Variants in B4GALNT4 observed in about 807,000 individuals in gnomAD.
B4GALNT4 encodes beta-1,4-N-acetyl-galactosaminyltransferase 4, also known as N-acetyl-beta-glucosaminyl-glycoprotein 4-beta-N-acetylgalactosaminyltransferase 1.
Under a neutral mutation model 110.0 loss-of-function variants are expected in B4GALNT4, and 77 were observed. The ratio of observed to expected loss-of-function variants is 0.70; its 90% CI spans 0.58 to 0.85. The LOEUF is 0.85. Ranked by LOEUF, B4GALNT4 falls within the 40% of genes least tolerant of loss-of-function variation. The pLI, the probability that B4GALNT4 is intolerant of heterozygous loss-of-function variation, is 0.00. For synonymous variants in B4GALNT4, 785 were observed against 655.5 expected (o/e 1.20, Z -3.02); for missense variants, 1,575 against 1,506.0 (o/e 1.05, Z -0.76).
Position 373,446 on chromosome 11 carries a change from C to T in B4GALNT4, c.637-3C>T, listed in dbSNP as rs1275619567. The T allele has an allele frequency of 1.9e-6, 3 of 1,597,356 alleles. No individual in the cohort carries two copies. The highest frequency in any genetic ancestry group is 2.6e-6 in the Non-Finnish European group (3 of 1,171,336). ...CCACCACCCCTGCTCTATCACCCCC[C>T]AGACTGGCTCCGAGTGGACAGCGCC... On this transcript the variant is annotated splice_region_variant and splice_polypyrimidine_tract_variant and intron_variant, in intron 6 of 19. Coordinates refer to ENST00000329962, the MANE Select transcript of B4GALNT4 (RefSeq NM_178537.5).
rs763493099 is a variant in B4GALNT4, at chr11:380,433, C to T, written c.2857C>T (p.Arg953Trp). ...GCGCCTGAGCTGCGGGAGCTCGCCC[C>T]GGGACCCCCACGGTGAGGCCCCGAG... is the stretch of plus-strand genomic sequence containing the variant. ...VMRLSCGSSP[R>W]DPHGYWEVNG... Residue 953 changes from arginine to tryptophan, a missense_variant, in exon 18 of 20, where the codon CGG (arginine) becomes TGG (tryptophan). Arg to Trp is a moderately radical substitution (Grantham distance 101). Transcript: ENST00000329962. 1.6e-5 allele frequency: 25 copies of T among 1,602,260 alleles called. 3 individuals are homozygous for T. In the South Asian group the frequency reaches 1.8e-4, roughly 11 times the overall value.
chr11:373,056 T>C lies in B4GALNT4; in HGVS notation c.475T>C (p.Ser159Pro). Residue 159 changes from serine to proline, a missense_variant, in exon 5 of 20, where the codon TCC (serine) becomes CCC (proline). Physicochemically the swap from Ser to Pro is moderately conservative, Grantham distance 74. Coordinates refer to ENST00000329962, the MANE Select transcript of B4GALNT4 (RefSeq NM_178537.5). ...TRTTVKKLAV[S>P]PKWKNYGLRI... The stretch of plus-strand genomic sequence containing the variant: ...CACCACCGTGAAGAAGTTGGCCGTG[T>C]CCCCCAAGTGGAAGAACTATGGACT... 3.1e-6 allele frequency: 5 copies of C among 1,611,992 alleles called. No homozygotes were observed. Among genetic ancestry groups the C allele is most frequent in the Non-Finnish European group, 4.2e-6 (5 of 1,179,756 alleles).
Position 376,935 on chromosome 11 carries a change from G to T in B4GALNT4, c.1812G>T (p.Ala604=). ...QATQGGREGQ[A]RTLGPAAPTV... The stretch of plus-strand genomic sequence containing the variant: ...CCCAAGGGGGCCGGGAGGGCCAGGC[G>T]CGCACGCTGGGACCTGCGGCGCCCA... Residue 604 remains alanine, a synonymous_variant, in exon 14 of 20, where the codon GCG becomes GCT. Coordinates refer to ENST00000329962, the MANE Select transcript of B4GALNT4 (RefSeq NM_178537.5). 1 of 1,426,296 alleles carries T rather than the reference G, an allele frequency of 7.0e-7. No individual in the cohort carries two copies. Among genetic ancestry groups the T allele is most frequent in the Non-Finnish European group, 9.1e-7 (1 of 1,095,024 alleles). 88.4% of individuals were successfully genotyped at this position (1,426,296 alleles called of 1,614,324 possible).
rs1410808646 is a variant in B4GALNT4 at position 379,599 on chromosome 11, C to G, written c.2386C>G (p.Pro796Ala). The change falls in exon 15 of 20, where the codon CCC (proline) becomes GCC (alanine). Residue 796 changes from proline (P) to alanine (A), a missense_variant. Coordinates refer to ENST00000329962, the MANE Select transcript of B4GALNT4 (RefSeq NM_178537.5). ...VGDADGESPE[P>A]APAASVRPDG... ...GGATGCAGACGGAGAAAGTCCCGAACCCGCTCCCGCCGCCTCCGTGCGCCC... is the reference window on the plus strand; with the variant it reads ...GGATGCAGACGGAGAAAGTCCCGAAGCCGCTCCCGCCGCCTCCGTGCGCCC... 1.3e-6 allele frequency: 2 copies of G among 1,559,552 alleles called. No individual in the cohort carries two copies.
chr11:381,604 G>A (rs1472090799), intron 19 of B4GALNT4, 65 bp from the exon 20 acceptor site: 3 of 1,421,806 alleles, frequency 2.1e-6, no homozygotes, highest in Non-Finnish European at 2.8e-6. Flanking sequence ...CCCGGCCCCG[G>A]GGTCCTGACC....
intron 18 of B4GALNT4, 111 bp from the exon 19 acceptor site, chr11:380,713 TG>T: frequency 6.5e-7 from 1 of 1,547,850 alleles, no homozygotes; most frequent in Non-Finnish European, 8.9e-7. Context: ...GAAGCCCCCG[TG>T]GTGATGGGAC....
Position 381,735 on chromosome 11 carries a change from C to T in B4GALNT4, c.3063C>T (p.Ser1021=), listed in dbSNP as rs371108089. The T allele has an allele frequency of 6.3e-7, 1 of 1,590,304 alleles. No homozygotes were observed. The highest frequency in any genetic ancestry group is 8.5e-7 in the Non-Finnish European group (1 of 1,170,830). The change falls in exon 20 of 20, where the codon TCC becomes TCT. Residue 1021 remains serine (S), a synonymous_variant. Coordinates refer to ENST00000329962, the MANE Select transcript of B4GALNT4 (RefSeq NM_178537.5). ...GGAATTTCTATCACCACTACCACTC[C>T]AAGAGGGGCATGTGGAGCGTCCGCA... The part of the protein sequence containing the change: ...RLRNFYHHYH[S]KRGMWSVRSR...
Position 379,567 on chromosome 11 carries a change from G to C in B4GALNT4, c.2354G>C (p.Arg785Pro), listed in dbSNP as rs767949588. The stretch of plus-strand genomic sequence containing the variant: ...GTCTTCCTGCGGCTGCCGGGAGCCC[G>C]CGTAGGGGATGCAGACGGAGAAAGT... ...EYVFLRLPGA[R>P]VGDADGESPE... is the part of the protein sequence containing the mutation. The change falls in exon 15 of 20, where the codon CGC becomes CCC. Residue 785 changes from arginine to proline, a missense_variant. Arg to Pro is a moderately radical substitution (Grantham distance 103, BLOSUM62 -2). Transcript: ENST00000329962. 1 of 1,586,896 alleles carries C rather than the reference G, an allele frequency of 6.3e-7. No homozygotes were observed. The highest frequency in any genetic ancestry group is 2.3e-5 in the East Asian group (1 of 43,830).
rs1463015839 is a variant in B4GALNT4, at chr11:377,319, C to T, written c.2196C>T (p.Arg732=). ...TAQYMERLNA[R]HGGRFALLRI... Reference sequence around the variant, plus strand: ...AGTACATGGAGCGGCTGAACGCGCGCCACGGCGGGTATGGGGGCGGCCGAA... The same window carrying T: ...AGTACATGGAGCGGCTGAACGCGCGTCACGGCGGGTATGGGGGCGGCCGAA... Residue 732 remains arginine, a synonymous_variant, in exon 14 of 20, where the codon CGC becomes CGT. Coordinates refer to ENST00000329962, the MANE Select transcript of B4GALNT4 (RefSeq NM_178537.5). The T allele has an allele frequency of 1.9e-6, 3 of 1,539,056 alleles. No homozygotes were observed. The South Asian group carries it at 3.6e-5, about 19-fold the overall frequency.
Position 379,517 on chromosome 11 carries a change from C to T in B4GALNT4, c.2304C>T (p.Gly768=), listed in dbSNP as rs1441834451. Residue 768 remains glycine, a synonymous_variant, in exon 15 of 20, where the codon GGC becomes GGT. Coordinates refer to ENST00000329962, the MANE Select transcript of B4GALNT4 (RefSeq NM_178537.5). ...LLELELQERG[G]GRLRLSEYVF... ...AGCTGGAGCTGCAGGAGCGCGGGGGCGGCCGCCTGCGACTGTCCGAGTACG... is the reference window on the plus strand; with the variant it reads ...AGCTGGAGCTGCAGGAGCGCGGGGGTGGCCGCCTGCGACTGTCCGAGTACG... 3.8e-6 allele frequency: 6 copies of T among 1,576,948 alleles called. No individual in the cohort carries two copies. Among genetic ancestry groups the T allele is most frequent in the East Asian group, 2.3e-5 (1 of 43,328 alleles).
chr11:370,950 C>T (rs1846608495), intron 1 of B4GALNT4, among the ~76,000 whole-genome samples: 1 of 152,130 alleles, frequency 6.6e-6, no homozygotes, highest in Non-Finnish European at 1.5e-5. Context: ...GCTTCCACAC[C>T]CTCAAGAGAC....
Position 380,428 on chromosome 11 carries a change from C to T in B4GALNT4, c.2852C>T (p.Ser951Leu), listed in dbSNP as rs769883269. ...PVVMRLSCGS[S>L]PRDPHGYWEV... ...GTCATGCGCCTGAGCTGCGGGAGCT[C>T]GCCCCGGGACCCCCACGGTGAGGCC... The change falls in exon 18 of 20, where the codon TCG (serine) becomes TTG (leucine). Residue 951 changes from serine (S) to leucine (L), a missense_variant. By Grantham distance (145) the Ser-to-Leu change is moderately radical. Transcript: ENST00000329962. 3.1e-6 allele frequency: 5 copies of T among 1,604,088 alleles called. No individual in the cohort carries two copies. Among genetic ancestry groups the T allele is most frequent in the East Asian group, 4.5e-5 (2 of 44,168 alleles).
In B4GALNT4 at chr11:372,696, G is replaced by T; in HGVS notation, c.290G>T (p.Gly97Val). The T allele has an allele frequency of 5.6e-6, 9 of 1,611,846 alleles. No homozygotes were observed. Among genetic ancestry groups the T allele is most frequent in the African/African-American group, 1.3e-5 (1 of 74,934 alleles). Reference sequence around the variant, plus strand: ...CGGGACCTAGACATGCTGTTTCCTGGGGGGGCTGGGAGGCTGCCACTGAAC... The same window carrying T: ...CGGGACCTAGACATGCTGTTTCCTGTGGGGGCTGGGAGGCTGCCACTGAAC... ...EGRDLDMLFP[G>V]GAGRLPLNFT... The change falls in exon 3 of 20, where the codon GGG becomes GTG. Residue 97 changes from glycine (G) to valine (V), a missense_variant. Physicochemically the swap from Gly to Val is moderately radical, Grantham distance 109. Coordinates refer to ENST00000329962, the MANE Select transcript of B4GALNT4 (RefSeq NM_178537.5).
chr11:373,786 G>A lies in B4GALNT4; in HGVS notation c.741G>A (p.Leu247=). Residue 247 remains leucine, a synonymous_variant, in exon 8 of 20, where the codon CTG becomes CTA. Transcript: ENST00000329962. ...MASRRYYFEL[L]HKQDDRGSDH... ...CCCGGAGGTACTACTTTGAGTTGCT[G>A]CACAAGCAGGACGACCGCGGCTCGG... 3 of 1,612,292 alleles carry A rather than the reference G, an allele frequency of 1.9e-6. No individual in the cohort carries two copies. The highest frequency in any genetic ancestry group is 2.5e-6 in the Non-Finnish European group (3 of 1,179,862).
intron 1 of B4GALNT4, among the ~76,000 whole-genome samples, chr11:370,994 C>T: frequency 6.6e-6 from 1 of 152,170 alleles, no homozygotes; most frequent in Non-Finnish European, 1.5e-5. Context: ...AAAGCCCCAC[C>T]CCAGCTATCA....
chr11:378,117 G>A (rs1846798118), intron 14 of B4GALNT4, among the ~76,000 whole-genome samples: 1 of 151,960 alleles, frequency 6.6e-6, no homozygotes, highest in Non-Finnish European at 1.5e-5. Flanking sequence ...ACAGGGCCAG[G>A]ACTGTTTCTC....
chr11:376,031 C>G (rs770418402), intron 11 of B4GALNT4, 43 bp from the exon 12 acceptor site: 24 of 1,601,760 alleles, frequency 1.5e-5, no homozygotes, highest in Non-Finnish European at 2.0e-5. Flanking sequence ...GAGGCCGCCC[C>G]GGGAGGTCCG....
At chr11:376,043 G>A (rs1404141140) in intron 11 of B4GALNT4, 31 bp from the exon 12 acceptor site, 3 of 1,602,444 alleles carry the variant, frequency 1.9e-6, no homozygotes, top group African/African-American at 2.7e-5. Context: ...GGAGGTCCGC[G>A]CCCTGAGCCC....
chr11:379,376 A>G (rs1179925195), intron 14 of B4GALNT4, 42 bp from the exon 15 acceptor site: 3 of 1,433,178 alleles, frequency 2.1e-6, no homozygotes, highest in Non-Finnish European at 1.8e-6. Context: ...GGCGGGGTGC[A>G]GGCTGGAAGC....
Sources: allele counts gnomAD v4.1 joint callset (sites outside exome capture counted in the v4.1 genomes callset), GRCh38; gene constraint gnomAD v4.1.1; transcripts MANE v1.5; gene names NCBI Gene and HGNC (gene_info 2026-07-23, HGNC 2026-07-21).